Variants in PDCD2L observed in about 807,000 individuals in gnomAD.
PDCD2L encodes programmed cell death 2 like, also known as uS5 assembly chaperone PDCD2L.
PDCD2L carries 44 observed loss-of-function variants against 40.4 expected under a neutral mutation model. The observed-to-expected ratio is 1.09, with a 90% CI of 0.86 to 1.40. PDCD2L has a LOEUF of 1.40. Among genes scored for constraint, PDCD2L ranks in the 40% most tolerant of loss-of-function variants. The pLI, the probability that PDCD2L is intolerant of heterozygous loss-of-function variation, is 0.00. For synonymous variants in PDCD2L, 194 were observed against 174.6 expected, an observed-to-expected ratio of 1.11 and a Z score of -0.88; for missense variants, 470 against 453.7, an observed-to-expected ratio of 1.04 and a Z score of -0.33.
chr19:34,422,862 C>T (rs1268353939), intron 6 of PDCD2L, among the ~76,000 whole-genome samples: 1 of 151,986 alleles, frequency 6.6e-6, no homozygotes, highest in Non-Finnish European at 1.5e-5. Context: ...ACTACAGGCG[C>T]CCGCAACCAA....
chr19:34,416,225 AATTTTC>A (rs1297016114), intron 5 of PDCD2L, among the ~76,000 whole-genome samples: 2 of 152,106 alleles, frequency 1.3e-5, no homozygotes, highest in South Asian at 2.1e-4. Flanking sequence ...CCGGCCTAAG[AATTTTC>A]AGTTAATAAT....
Position 34,411,822 on chromosome 19 carries a change from T to G in PDCD2L, c.687-1915T>G, listed in dbSNP as rs537389889. On this transcript the variant is annotated intron_variant, in intron 4 of 6. Transcript: ENST00000246535. ...GGTACCCGCCACCACACCCGGTTAA[T>G]TTTTGTATTTTTAGTAGAGATGGGG... 2.6e-5 allele frequency among the ~76,000 whole-genome samples: 4 copies of G among 151,644 alleles called. No individual in the cohort carries two copies. In the South Asian group the frequency reaches 8.3e-4, roughly 32 times the overall value.
rs867156570 is a variant in PDCD2L, at chr19:34,404,757, C to T, written c.217C>T (p.Arg73Cys). 1.9e-6 allele frequency: 3 copies of T among 1,611,214 alleles called. No individual in the cohort carries two copies. The highest frequency in any genetic ancestry group is 1.7e-5 in the Admixed American group (1 of 59,878). ...CCCGCTGGAAGGCTCCCCGTTTCAC[C>T]GTCTGCTGCACGTGTTCGCGTGCGC... ...YCPLEGSPFH[R>C]LLHVFACACP... is the part of the protein sequence containing the mutation. The change falls in exon 2 of 7, where the codon CGT (arginine) becomes TGT (cysteine). Residue 73 changes from arginine to cysteine, a missense_variant. Coordinates refer to ENST00000246535, the MANE Select transcript of PDCD2L (RefSeq NM_032346.2).
At chr19:34,419,824 G>A (rs551298664) in intron 5 of PDCD2L, among the ~76,000 whole-genome samples, 5 of 66,136 alleles carry the variant, frequency 7.6e-5, no homozygotes, top group African/African-American at 1.5e-4. Context: ...TGTTGCTTGC[G>A]TAGGCTGGAA....
chr19:34,416,412 T>C (rs994835811), intron 5 of PDCD2L, among the ~76,000 whole-genome samples: 1 of 152,118 alleles, frequency 6.6e-6, no homozygotes, highest in African/African-American at 2.4e-5. Flanking sequence ...AGAGCAATGA[T>C]TGGAAAGTTA....
intron 4 of PDCD2L, among the ~76,000 whole-genome samples, chr19:34,410,923 T>A (rs2075099589): frequency 6.6e-6 from 1 of 150,398 alleles, no homozygotes; most frequent in Non-Finnish European, 1.5e-5. Context: ...TAGCTGGGAC[T>A]ACAGGTGCGC....
At chr19:34,422,388 A>C (rs984708786) in intron 6 of PDCD2L, 1 of 151,852 alleles carries the variant, frequency 6.6e-6, no homozygotes, top group African/African-American at 2.4e-5. Flanking sequence ...TTGTAGAGAC[A>C]AGGTTGCGTC....
In PDCD2L at chr19:34,421,686, AT is replaced by A; in HGVS notation, c.946+22del. 1 of 1,576,206 alleles carries A rather than the reference AT, an allele frequency of 6.3e-7. No homozygotes were observed. Among genetic ancestry groups the A allele is most frequent in the Non-Finnish European group, 8.6e-7 (1 of 1,160,712 alleles). On this transcript the variant is annotated intron_variant, in intron 6 of 6. Transcript: ENST00000246535. ...AATTTAGGTGAGAAGCCCTTTATTA[AT>A]TTGAGTTTGTGGATTTCTGGCATTA... is the stretch of plus-strand genomic sequence containing the variant.
At chr19:34,413,014 A>G (rs890127711) in intron 4 of PDCD2L, among the ~76,000 whole-genome samples, 2 of 152,048 alleles carry the variant, frequency 1.3e-5, no homozygotes, top group Non-Finnish European at 2.9e-5. Context: ...TGCTGGGATT[A>G]CAGGCGTGAG....
chr19:34,418,004 G>A (rs562331224), intron 5 of PDCD2L, among the ~76,000 whole-genome samples: 2 of 152,290 alleles, frequency 1.3e-5, no homozygotes, highest in Admixed American at 1.3e-4. Flanking sequence ...GTATTTCCTT[G>A]TGGTTTGAAT....
chr19:34,422,591 G>A lies in PDCD2L; in HGVS notation c.946+924G>A, dbSNP rs562535172. On this transcript the variant is annotated intron_variant, in intron 6 of 6. Coordinates refer to ENST00000246535, the MANE Select transcript of PDCD2L (RefSeq NM_032346.2). ...CAGATGAATGTATGGATGGCTAGAC[G>A]AAAATAATTTTCCTAAAATAGGAAA... Among the ~76,000 whole-genome samples the A allele has an allele frequency of 2.4e-4, 37 of 152,024 alleles. No individual in the cohort carries two copies. In the East Asian group the frequency reaches 6.2e-3, roughly 25 times the overall value.
In PDCD2L at chr19:34,415,157, G is replaced by C. The variant is rs912154350; in HGVS notation, c.797+1310G>C. On this transcript the variant is annotated intron_variant, in intron 5 of 6. Coordinates refer to ENST00000246535, the MANE Select transcript of PDCD2L (RefSeq NM_032346.2). ...TTTTTCTGGGATGGAGTCTCGCCCT[G>C]CCACCCAGGCTGGAGTGCAGTGACG... Among the ~76,000 whole-genome samples the C allele has an allele frequency of 3.3e-5, 5 of 151,860 alleles. No individual in the cohort carries two copies. The South Asian group carries it at 6.3e-4, about 19-fold the overall frequency.
chr19:34,404,909 C>T, intron 2 of PDCD2L, 21 bp from the exon 3 acceptor site: 7 of 1,613,918 alleles, frequency 4.3e-6, no homozygotes, highest in Non-Finnish European at 5.9e-6. Flanking sequence ...GCCCTCACGG[C>T]CCTTTGTCTT....
At chr19:34,406,456 G>T (rs946074907) in intron 3 of PDCD2L, among the ~76,000 whole-genome samples, 1 of 150,392 alleles carries the variant, frequency 6.6e-6, no homozygotes, top group African/African-American at 2.5e-5. Flanking sequence ...CGCCGTCTCT[G>T]CTCACTGCAA....
intron 4 of PDCD2L, among the ~76,000 whole-genome samples, 182 bp downstream of exon 4, chr19:34,409,692 A>G (rs947004195): frequency 2.0e-5 from 3 of 152,186 alleles, no homozygotes; most frequent in Non-Finnish European, 4.4e-5. Context: ...TCTATTTATA[A>G]TTGCCGTTAA....
intron 5 of PDCD2L, among the ~76,000 whole-genome samples, chr19:34,418,881 A>G (rs2145469166): frequency 6.6e-6 from 1 of 152,356 alleles, no homozygotes; most frequent in Non-Finnish European, 1.5e-5. Flanking sequence ...GATGTTGAGC[A>G]TCATTTCAAG....
chr19:34,405,319 T>C (rs1432855149), intron 3 of PDCD2L, among the ~76,000 whole-genome samples: 1 of 151,304 alleles, frequency 6.6e-6, no homozygotes, highest in East Asian at 2.0e-4. Context: ...GCTAATTTTG[T>C]ATTTTTAATA....
chr19:34,417,007 A>G (rs1208536090), intron 5 of PDCD2L, among the ~76,000 whole-genome samples: 1 of 151,862 alleles, frequency 6.6e-6, no homozygotes, highest in Non-Finnish European at 1.5e-5. Flanking sequence ...CCAGCTGTTC[A>G]GGAGACTAAG....
chr19:34,413,184 G>A (rs990352360), intron 4 of PDCD2L, among the ~76,000 whole-genome samples: 11 of 151,974 alleles, frequency 7.2e-5, no homozygotes, highest in Admixed American at 3.3e-4. Context: ...GATTACAGGC[G>A]CCCGCCACCA....
Sources: allele counts gnomAD v4.1 joint callset (sites outside exome capture counted in the v4.1 genomes callset), GRCh38; gene constraint gnomAD v4.1.1; transcripts MANE v1.5; gene names NCBI Gene and HGNC (gene_info 2026-07-23, HGNC 2026-07-21).